Variants in NEDD4 observed in about 807,000 individuals in gnomAD.
The protein encoded by NEDD4 is E3 ubiquitin-protein ligase NEDD4.
In NEDD4, 99 loss-of-function variants were observed where a neutral mutation model predicts 144.9. That is an observed-to-expected ratio of 0.68 (90% CI 0.58 to 0.81). NEDD4 has a LOEUF of 0.81. NEDD4 is among the 30% of genes least tolerant of loss of function. NEDD4 has a pLI of 0.00. For missense variants in NEDD4, 985 were observed against 1,065.9 expected (o/e 0.92, Z 1.06); for synonymous variants, 318 against 350.6 (o/e 0.91, Z 1.04).
At chr15:55,977,797 G>A (rs2037731395) in intron 1 of NEDD4, among the ~76,000 whole-genome samples, 1 of 151,742 alleles carries the variant, frequency 6.6e-6, no homozygotes, top group African/African-American at 2.4e-5. Context: ...GAATAAACAG[G>A]CCAACTGAAA....
chr15:55,905,702 T>C (rs1479926559), intron 5 of NEDD4, among the ~76,000 whole-genome samples: 4 of 152,238 alleles, frequency 2.6e-5, no homozygotes, highest in African/African-American at 9.6e-5. Context: ...TTTATATCCT[T>C]CGCCCACTTG....
chr15:55,966,278 G>T (rs1231356386), intron 2 of NEDD4, among the ~76,000 whole-genome samples, 195 bp downstream of exon 2: 1 of 152,182 alleles, frequency 6.6e-6, no homozygotes, highest in Non-Finnish European at 1.5e-5. Context: ...GCTATCATTT[G>T]TACTTCTGCC....
intron 4 of NEDD4, among the ~76,000 whole-genome samples, chr15:55,943,795 C>T (rs2037053818): frequency 6.6e-6 from 1 of 152,210 alleles, no homozygotes; most frequent in African/African-American, 2.4e-5. Flanking sequence ...CACTATCGTC[C>T]AGACCCCAGA....
chr15:55,885,809 A>G (rs1338632312), intron 5 of NEDD4, among the ~76,000 whole-genome samples: 1 of 152,112 alleles, frequency 6.6e-6, no homozygotes, highest in Non-Finnish European at 1.5e-5. Context: ...AACAACCAGA[A>G]AACAAATAAC....
intron 4 of NEDD4, 21 bp downstream of exon 4, chr15:55,951,355 T>C: frequency 1.2e-6 from 1 of 862,246 alleles, no homozygotes; most frequent in Non-Finnish European, 1.7e-6. Flanking sequence ...TCCACTTTAG[T>C]AAAATAAAAT....
chr15:55,897,597 T>C (rs967066575), intron 5 of NEDD4, among the ~76,000 whole-genome samples: 7 of 152,180 alleles, frequency 4.6e-5, no homozygotes, highest in Non-Finnish European at 4.4e-5. Flanking sequence ...CCTGCTCAAC[T>C]CCCTGCAATC....
At chr15:55,953,042 T>C (rs1439287345) in intron 2 of NEDD4, among the ~76,000 whole-genome samples, 2 of 151,470 alleles carry the variant, frequency 1.3e-5, no homozygotes, top group African/African-American at 4.9e-5. Flanking sequence ...CAGGCTGGAG[T>C]GCAGTGGTGC....
intron 2 of NEDD4, among the ~76,000 whole-genome samples, chr15:55,957,113 A>G (rs1389703155): frequency 7.9e-5 from 12 of 152,208 alleles, no homozygotes; most frequent in African/African-American, 2.9e-4. Context: ...ACAGAAATAT[A>G]ACTGATTTTG....
rs2037514955 is a variant in NEDD4 at position 55,966,486 on chromosome 15, T to A, written c.106A>T (p.Ile36Leu). The change falls in exon 2 of 29, where the codon ATA (isoleucine) becomes TTA (leucine). Residue 36 changes from isoleucine (I) to leucine (L), a missense_variant. Physicochemically the swap from Ile to Leu is conservative, Grantham distance 5 (BLOSUM62 2). Transcript: ENST00000435532. ...IAGIGLAKKD[I>L]LGASDPYVRV... ...AGATATACTTACCTAGCTCCCAATA[T>A]ATCCTTCTTGGCAAGGCCTATTCCG... 1.3e-6 allele frequency: 2 copies of A among 1,529,854 alleles called. No homozygotes were observed. The highest frequency in any genetic ancestry group is 1.8e-6 in the Non-Finnish European group (2 of 1,136,908). The allele number at this position is 1,529,854 out of a possible 1,614,324, so 94.8% of individuals were successfully genotyped here.
chr15:55,829,391 G>A lies in NEDD4; in HGVS notation c.*506C>T, dbSNP rs1207619919. ...CAGGTCTACAAAATAATAAATAGCT[G>A]CGAGTAGCACTAAATATATTGTAGT... On this transcript the variant is annotated 3_prime_UTR_variant, in exon 29 of 29. Coordinates refer to ENST00000435532, the MANE Select transcript of NEDD4 (RefSeq NM_006154.4). The A allele has an allele frequency of 6.5e-6, 1 of 152,724 alleles. No homozygotes were observed. The highest frequency in any genetic ancestry group is 2.1e-4 in the South Asian group (1 of 4,836). The allele number at this position is 152,724 out of a possible 1,614,324, so 9.5% of individuals were successfully genotyped here. A position where few individuals can be genotyped will look rare whatever the true frequency, so the allele number is the denominator to read the frequency against.
At chr15:55,958,449 A>C (rs8038204) in intron 2 of NEDD4, among the ~76,000 whole-genome samples, 1 of 152,224 alleles carries the variant, frequency 6.6e-6, no homozygotes. Context: ...ATTGGTTTTA[A>C]GTTTTCTTGT....
At chr15:55,915,832 T>C in intron 5 of NEDD4, 2 of 1,613,860 alleles carry the variant, frequency 1.2e-6, no homozygotes, top group South Asian at 1.1e-5. Context: ...TCTCCGGGGG[T>C]ACAAATTGTT....
At chr15:55,896,308 A>C (rs1440079094) in intron 5 of NEDD4, among the ~76,000 whole-genome samples, 13 of 151,980 alleles carry the variant, frequency 8.6e-5, no homozygotes, top group Non-Finnish European at 1.3e-4. Flanking sequence ...CAGCCTCCCC[A>C]AGTACCTGGG....
rs1043015936 is a variant in NEDD4 at position 55,939,235 on chromosome 15, T to C, written c.237+12141A>G. Reference sequence around the variant, plus strand: ...AAGGGAGGGAACTGGTGGGAGGTGATTGGATCACGGGGGCAGTTTCCCCCA... The same window carrying C: ...AAGGGAGGGAACTGGTGGGAGGTGACTGGATCACGGGGGCAGTTTCCCCCA... On this transcript the variant is annotated intron_variant, in intron 4 of 28. Transcript: ENST00000435532. 3.3e-5 allele frequency among the ~76,000 whole-genome samples: 5 copies of C among 152,166 alleles called. 1 individual carries two copies. The highest frequency in any genetic ancestry group is 1.3e-4 in the Admixed American group (2 of 15,272).
chr15:55,874,534 A>G (rs2034920989), intron 5 of NEDD4, among the ~76,000 whole-genome samples: 2 of 152,198 alleles, frequency 1.3e-5, no homozygotes, highest in South Asian at 4.1e-4. Flanking sequence ...ATCTATATAT[A>G]AACTCTTACC....
intron 12 of NEDD4, among the ~76,000 whole-genome samples, chr15:55,855,323 A>T (rs376942630): frequency 6.6e-6 from 1 of 152,300 alleles, no homozygotes; most frequent in Non-Finnish European, 1.5e-5. Flanking sequence ...TGAGAAAGCC[A>T]TTCCAAGTGG....
intron 5 of NEDD4, among the ~76,000 whole-genome samples, chr15:55,876,392 C>A (rs1595783643): frequency 3.4e-5 from 5 of 145,350 alleles, no homozygotes; most frequent in African/African-American, 5.1e-5. Context: ...TTTTAAAGAA[C>A]AAATTGTTGT....
At chr15:55,909,039 T>C (rs1383496242) in intron 5 of NEDD4, among the ~76,000 whole-genome samples, 4 of 152,248 alleles carry the variant, frequency 2.6e-5, no homozygotes, top group African/African-American at 9.6e-5. Flanking sequence ...GCTTGGGTAA[T>C]GTATTTTTCT....
chr15:55,980,433 A>T (rs909566770), intron 1 of NEDD4, among the ~76,000 whole-genome samples: 4 of 152,182 alleles, frequency 2.6e-5, no homozygotes, highest in African/African-American at 9.7e-5. Context: ...TCCAAGGGAA[A>T]AAAAAATGCT....
Sources: gnomAD v4.1 joint callset for allele counts (sites outside exome capture counted in the v4.1 genomes callset) on GRCh38, gnomAD v4.1.1 for gene constraint, MANE v1.5 for transcripts, NCBI Gene and HGNC (gene_info 2026-07-23, HGNC 2026-07-21) for gene names.